UBOX5: variants seen among roughly 807,000 people sequenced by gnomAD.
The protein encoded by UBOX5 is RING finger protein 37.
In UBOX5, 28 loss-of-function variants were observed where a neutral mutation model predicts 39.0. The observed-to-expected ratio is 0.72, with a 90% CI of 0.53 to 0.98. The LOEUF is 0.98. UBOX5 is among the 50% of genes least tolerant of loss of function. The pLI, the probability that UBOX5 is intolerant of heterozygous loss-of-function variation, is 0.00. For synonymous variants in UBOX5, 283 were observed against 275.5 expected, an observed-to-expected ratio of 1.03 and a Z score of -0.27; for missense variants, 585 against 674.4, an observed-to-expected ratio of 0.87 and a Z score of 1.47.
At chr20:3,117,553 A>G (rs2066302865) in intron 3 of UBOX5, among the ~76,000 whole-genome samples, 2 of 152,098 alleles carry the variant, frequency 1.3e-5, no homozygotes, top group Admixed American at 1.3e-4. Flanking sequence ...GTGTGGCGGC[A>G]TGTGCCTGTA....
At chr20:3,116,939 T>A (rs557667283) in intron 3 of UBOX5, among the ~76,000 whole-genome samples, 1 of 151,404 alleles carries the variant, frequency 6.6e-6, no homozygotes, top group South Asian at 2.1e-4. Context: ...CTACTGAAAA[T>A]ACAAAAATTA....
chr20:3,112,594 TA>T (rs1472135630), intron 4 of UBOX5, among the ~76,000 whole-genome samples: 1 of 151,804 alleles, frequency 6.6e-6, no homozygotes, highest in Non-Finnish European at 1.5e-5. Context: ...GCTGTGAGAA[TA>T]AAAAGGGGCC....
Position 3,149,146 on chromosome 20 carries a change from A to G in UBOX5, c.-42+10620T>C. The G allele has an allele frequency of 2.7e-6, 4 of 1,490,876 alleles. No individual in the cohort carries two copies. The highest frequency in any genetic ancestry group is 3.6e-6 in the Non-Finnish European group (4 of 1,106,742). 92.4% of individuals were successfully genotyped at this position (1,490,876 alleles called of 1,614,324 possible). A position where few individuals can be genotyped will look rare whatever the true frequency, so the allele number is the denominator to read the frequency against. ...TTTGACCAGGCAATTTCTTGTTTAT[A>G]TGGTGCTTGATTAGAGCTGGACGGG... On this transcript the variant is annotated intron_variant, in intron 1 of 4. Transcript: ENST00000217173. This position sits in a 1 kb window ranked among gnomAD's most constrained non-coding sequence, Gnocchi z 4.1.
At chr20:3,127,798 G>A (rs1428728593) in intron 1 of UBOX5, among the ~76,000 whole-genome samples, 1 of 152,064 alleles carries the variant, frequency 6.6e-6, no homozygotes, top group East Asian at 1.9e-4. Flanking sequence ...TTGGTGGGGG[G>A]AGGGTGTGTA....
chr20:3,148,759 C>G, intron 1 of UBOX5: 1 of 1,614,238 alleles, frequency 6.2e-7, no homozygotes, highest in Non-Finnish European at 8.5e-7. Flanking sequence ...CTTCTACGTC[C>G]TCTTCATCAA....
chr20:3,142,526 C>T (rs2066525624), intron 1 of UBOX5, among the ~76,000 whole-genome samples: 1 of 151,244 alleles, frequency 6.6e-6, no homozygotes, highest in African/African-American at 2.4e-5. Context: ...ATCTCTTGAA[C>T]CCGGGAGGTG....
At chr20:3,152,867 C>T (rs1424383137) in intron 1 of UBOX5, among the ~76,000 whole-genome samples, 2 of 151,462 alleles carry the variant, frequency 1.3e-5, no homozygotes, top group African/African-American at 4.9e-5. Flanking sequence ...GATCATACTA[C>T]TGCATTGCAG....
intron 3 of UBOX5, 61 bp from the exon 4 acceptor site, chr20:3,115,527 C>G (rs2066287339): frequency 6.6e-7 from 1 of 1,524,878 alleles, no homozygotes; most frequent in Non-Finnish European, 8.8e-7. Context: ...AGAACAGCCT[C>G]AAGTCCTTCG....
intron 1 of UBOX5, among the ~76,000 whole-genome samples, chr20:3,145,858 C>A (rs1388634724): frequency 6.6e-6 from 1 of 152,006 alleles, no homozygotes; most frequent in Non-Finnish European, 1.5e-5. Flanking sequence ...CCAGCCTGAA[C>A]AACATGGTGA....
intron 1 of UBOX5, chr20:3,147,999 T>C (rs769075640): frequency 7.4e-6 from 12 of 1,614,142 alleles, no homozygotes; most frequent in Non-Finnish European, 1.0e-5. Flanking sequence ...TTAACAATAT[T>C]CACTAAGGAG....
chr20:3,148,290 AC>A, intron 1 of UBOX5: 1 of 1,611,574 alleles, frequency 6.2e-7, no homozygotes. Context: ...ATGTTTAAAA[AC>A]CTAGGTACTT....
chr20:3,152,100 C>CAAA (rs60655157), intron 1 of UBOX5, among the ~76,000 whole-genome samples: 9 of 62,708 alleles, frequency 1.4e-4, no homozygotes, highest in East Asian at 4.7e-4. Flanking sequence ...GACTCTGTCT[C>CAAA]AAAAAAAAAA....
intron 4 of UBOX5, among the ~76,000 whole-genome samples, chr20:3,110,936 G>C (rs1214307562): frequency 6.6e-6 from 1 of 151,900 alleles, no homozygotes; most frequent in Non-Finnish European, 1.5e-5. Flanking sequence ...GCTGAGGCCT[G>C]CAGTGCACCT....
At chr20:3,154,638 C>T (rs2066665772) in intron 1 of UBOX5, among the ~76,000 whole-genome samples, 1 of 152,002 alleles carries the variant, frequency 6.6e-6, no homozygotes, top group Non-Finnish European at 1.5e-5. Context: ...AGCTGTGATC[C>T]TGCTATGGCA....
intron 1 of UBOX5, among the ~76,000 whole-genome samples, chr20:3,132,203 T>G (rs1202336074): frequency 2.1e-5 from 3 of 141,896 alleles, no homozygotes; most frequent in Admixed American, 7.1e-5. Flanking sequence ...CCAGCTACTC[T>G]GAAGGCTGAG....
At chr20:3,114,725 G>A (rs141326921) in intron 4 of UBOX5, among the ~76,000 whole-genome samples, 141 of 152,290 alleles carry the variant, frequency 9.3e-4, no homozygotes, top group Middle Eastern at 3.4e-3. Context: ...CGAGGCGGGC[G>A]GATCACGAGG....
At chr20:3,127,586 C>G (rs932358209) in intron 1 of UBOX5, among the ~76,000 whole-genome samples, 1 of 152,150 alleles carries the variant, frequency 6.6e-6, no homozygotes, top group Non-Finnish European at 1.5e-5. Context: ...ATCACATCAC[C>G]GAGAGCAAAG....
At chr20:3,118,753 C>T (rs1438911909) in intron 3 of UBOX5, among the ~76,000 whole-genome samples, 1 of 152,006 alleles carries the variant, frequency 6.6e-6, no homozygotes, top group Non-Finnish European at 1.5e-5. Context: ...GCCTGGGCGA[C>T]AGAGCGAGAC....
At chr20:3,113,635 C>T (rs1164595986) in intron 4 of UBOX5, among the ~76,000 whole-genome samples, 5 of 152,048 alleles carry the variant, frequency 3.3e-5, no homozygotes, top group Non-Finnish European at 4.4e-5. Context: ...CCTGAGGTCA[C>T]CTTGGGGGAG....
Sources: allele counts gnomAD v4.1 joint callset (sites outside exome capture counted in the v4.1 genomes callset), GRCh38; gene constraint gnomAD v4.1.1; non-coding constraint Gnocchi (gnomAD v3.1); transcripts MANE v1.5; gene names NCBI Gene and HGNC (gene_info 2026-07-23, HGNC 2026-07-21).